FBLN2: variants seen among roughly 807,000 people sequenced by gnomAD.
FBLN2 encodes the protein fibulin-2.
A neutral mutation model predicts 123.7 loss-of-function variants in FBLN2; 81 were observed. The ratio of observed to expected loss-of-function variants is 0.65; its 90% CI spans 0.55 to 0.79. The LOEUF (loss-of-function observed/expected upper bound fraction) is 0.79. FBLN2 is among the 30% of genes least tolerant of loss of function. FBLN2 has a pLI of 0.00. For synonymous variants in FBLN2, 699 were observed against 701.4 expected (o/e 1.00, Z 0.05); for missense variants, 1,603 against 1,681.3 (o/e 0.95, Z 0.81).
chr3:13,585,583 G>C (rs188172826), intron 2 of FBLN2, among the ~76,000 whole-genome samples: 123 of 152,340 alleles, frequency 8.1e-4, no homozygotes, highest in African/African-American at 2.9e-3. Context: ...ACTCGTGTTT[G>C]TGGTGATGCT....
At chr3:13,565,409 A>T (rs1703715966) in intron 1 of FBLN2, among the ~76,000 whole-genome samples, 1 of 152,202 alleles carries the variant, frequency 6.6e-6, no homozygotes, top group Non-Finnish European at 1.5e-5. Context: ...TGACGTCCTC[A>T]TTGTCACCTA....
intron 3 of FBLN2, among the ~76,000 whole-genome samples, chr3:13,609,129 C>G (rs1164436476): frequency 6.6e-6 from 1 of 152,258 alleles, no homozygotes; most frequent in Non-Finnish European, 1.5e-5. Flanking sequence ...ACCTCTGCCC[C>G]AGGCAGCCCA....
At chr3:13,609,803 G>A (rs1394065561) in intron 4 of FBLN2, among the ~76,000 whole-genome samples, 161 bp downstream of exon 4, 2 of 152,216 alleles carry the variant, frequency 1.3e-5, no homozygotes, top group Non-Finnish European at 2.9e-5. Context: ...AATCTGCGCA[G>A]AAAACATCAT....
At chr3:13,559,258 G>GGGC (rs368129175) in intron 1 of FBLN2, among the ~76,000 whole-genome samples, 5 of 151,556 alleles carry the variant, frequency 3.3e-5, no homozygotes, top group Non-Finnish European at 7.4e-5. Flanking sequence ...AATCAAAAGG[G>GGGC]GTTCATGTCA....
At chr3:13,556,928 C>A (rs1395830623) in intron 1 of FBLN2, among the ~76,000 whole-genome samples, 1 of 152,228 alleles carries the variant, frequency 6.6e-6, no homozygotes, top group Non-Finnish European at 1.5e-5. Context: ...TTGCAGCCAC[C>A]AGGACTCCCT....
chr3:13,612,417 G>A (rs1040078061), intron 4 of FBLN2, among the ~76,000 whole-genome samples: 3 of 149,838 alleles, frequency 2.0e-5, no homozygotes, highest in African/African-American at 7.4e-5. Flanking sequence ...GTCTCGCTCT[G>A]TCACCCAGGC....
At chr3:13,596,986 C>T (rs891523401) in intron 2 of FBLN2, among the ~76,000 whole-genome samples, 4 of 151,890 alleles carry the variant, frequency 2.6e-5, no homozygotes, top group African/African-American at 4.8e-5. Context: ...GGCTGAAGTG[C>T]GGTGGCACGA....
intron 1 of FBLN2, among the ~76,000 whole-genome samples, chr3:13,554,034 T>TGAGCCC (rs1161355331): frequency 6.6e-6 from 1 of 152,254 alleles, no homozygotes; most frequent in Non-Finnish European, 1.5e-5. Flanking sequence ...TGCCTGGGCC[T>TGAGCCC]GAGCCCCCGG....
intron 2 of FBLN2, among the ~76,000 whole-genome samples, chr3:13,590,324 CTTTAA>C (rs1354871458): frequency 2.7e-5 from 4 of 148,774 alleles, no homozygotes; most frequent in Non-Finnish European, 5.9e-5. Flanking sequence ...CTTGCCTAGT[CTTTAA>C]TTTATTTATT....
intron 5 of FBLN2, among the ~76,000 whole-genome samples, chr3:13,614,560 C>G (rs1212986646): frequency 6.7e-6 from 1 of 149,228 alleles, no homozygotes; most frequent in Admixed American, 6.7e-5. Context: ...CTCATTCATC[C>G]TCTATCCCAT....
At chr3:13,626,964 G>A (rs1280035997) in intron 10 of FBLN2, among the ~76,000 whole-genome samples, 1 of 152,100 alleles carries the variant, frequency 6.6e-6, no homozygotes, top group African/African-American at 2.4e-5. Flanking sequence ...CAGAGGGAGG[G>A]GTTTCATCCA....
intron 2 of FBLN2, among the ~76,000 whole-genome samples, chr3:13,577,222 C>CAA (rs34445954): frequency 4.2e-4 from 25 of 59,872 alleles, no homozygotes; most frequent in Admixed American, 9.0e-4. Flanking sequence ...GACTCCGTCT[C>CAA]AAAAAAAAAA....
intron 2 of FBLN2, among the ~76,000 whole-genome samples, chr3:13,600,046 C>CGAGAGAGAGA (rs1252358257): frequency 8.6e-5 from 11 of 128,142 alleles, no homozygotes; most frequent in African/African-American, 3.0e-4. Flanking sequence ...AGAGAGAGAG[C>CGAGAGAGAGA]GAGAGAGAGA....
intron 2 of FBLN2, among the ~76,000 whole-genome samples, chr3:13,598,212 T>C (rs918849170): frequency 4.7e-4 from 71 of 152,206 alleles, no homozygotes; most frequent in African/African-American, 1.7e-3. Flanking sequence ...CCAAGCGTCT[T>C]TTATGTGCCA....
At chr3:13,560,902 C>T (rs1247235995) in intron 1 of FBLN2, among the ~76,000 whole-genome samples, 1 of 152,102 alleles carries the variant, frequency 6.6e-6, no homozygotes, top group East Asian at 1.9e-4. Context: ...CAGCCTCCAA[C>T]TCCTGGGCTC....
intron 2 of FBLN2, among the ~76,000 whole-genome samples, chr3:13,582,257 C>A (rs746767765): frequency 6.6e-6 from 1 of 152,180 alleles, no homozygotes; most frequent in Admixed American, 6.5e-5. Flanking sequence ...GCAGCAGATG[C>A]GGCTTTCCTG....
intron 2 of FBLN2, among the ~76,000 whole-genome samples, chr3:13,596,973 C>T (rs575332305): frequency 1.3e-5 from 2 of 150,752 alleles, no homozygotes; most frequent in Non-Finnish European, 2.9e-5. Context: ...GCTCTGTTGC[C>T]CAGGCTGAAG....
chr3:13,587,594 A>G (rs1704551164), intron 2 of FBLN2, among the ~76,000 whole-genome samples: 1 of 152,220 alleles, frequency 6.6e-6, no homozygotes. Flanking sequence ...CTTAAAATTT[A>G]ACTTGAAAGA....
chr3:13,630,721 G>C lies in FBLN2; in HGVS notation c.2991G>C (p.Gln997His). The C allele has an allele frequency of 1.9e-6, 3 of 1,607,994 alleles. No individual in the cohort carries two copies. Among genetic ancestry groups the C allele is most frequent in the Non-Finnish European group, 2.5e-6 (3 of 1,177,532 alleles). ...RCEDVNECEA[Q>H]RCSQECANIY... Reference sequence around the variant, plus strand: ...CAGACGTGAATGAGTGTGAGGCCCAGCGCTGCAGCCAGGAGTGTGCCAACA... The same window carrying C: ...CAGACGTGAATGAGTGTGAGGCCCACCGCTGCAGCCAGGAGTGTGCCAACA... The change falls in exon 15 of 18, where the codon CAG becomes CAC. Residue 997 changes from glutamine (Q) to histidine (H), a missense_variant. Coordinates refer to ENST00000404922, the MANE Select transcript of FBLN2 (RefSeq NM_001004019.2).
Sources: gnomAD v4.1 joint callset for allele counts (sites outside exome capture counted in the v4.1 genomes callset) on GRCh38, gnomAD v4.1.1 for gene constraint, MANE v1.5 for transcripts, NCBI Gene and HGNC (gene_info 2026-07-23, HGNC 2026-07-21) for gene names.